The following MAPKAP1 variants were observed in gnomAD, a reference collection of about 807,000 sequenced individuals.
MAPKAP1 encodes the protein MAPK associated protein 1.
In MAPKAP1, 20 loss-of-function variants were observed where a neutral mutation model predicts 65.7. The observed-to-expected ratio is 0.30, with a 90% confidence interval of 0.21 to 0.44. The LOEUF (loss-of-function observed/expected upper bound fraction) is 0.44. Ranked by LOEUF, MAPKAP1 falls within the 20% of genes least tolerant of loss-of-function variation. MAPKAP1 has a pLI of 1.00. For missense variants in MAPKAP1, 423 were observed against 648.0 expected, an observed-to-expected ratio of 0.65 and a Z score of 3.77; for synonymous variants, 222 against 244.3, an observed-to-expected ratio of 0.91 and a Z score of 0.85.
intron 7 of MAPKAP1, among the ~76,000 whole-genome samples, chr9:125,528,837 G>C (rs1330102643): frequency 5.3e-5 from 5 of 94,844 alleles, no homozygotes; most frequent in Non-Finnish European, 7.7e-5. Flanking sequence ...ATAAGAGTGA[G>C]ACTCCGTCTC....
At chr9:125,629,176 G>A (rs116766542) in intron 4 of MAPKAP1, among the ~76,000 whole-genome samples, 1,657 of 152,212 alleles carry the variant, frequency 0.011, 39 homozygotes, top group African/African-American at 0.037. Flanking sequence ...ATGCAACCAC[G>A]ATGGAAAGCA....
chr9:125,678,557 T>C (rs1834725088), intron 1 of MAPKAP1, among the ~76,000 whole-genome samples: 1 of 152,134 alleles, frequency 6.6e-6, no homozygotes, highest in East Asian at 1.9e-4. Context: ...ATTTTTAATA[T>C]ACTAGGTGGG....
At chr9:125,600,903 G>A (rs7871808) in intron 4 of MAPKAP1, among the ~76,000 whole-genome samples, 9,155 of 152,186 alleles carry the variant, frequency 0.06, 826 homozygotes, top group African/African-American at 0.2. Flanking sequence ...TATTATCAGG[G>A]AAAGGTAATC....
At chr9:125,677,212 G>C (rs1422793221) in intron 1 of MAPKAP1, among the ~76,000 whole-genome samples, 1 of 152,152 alleles carries the variant, frequency 6.6e-6, no homozygotes, top group Non-Finnish European at 1.5e-5. Context: ...GCCGAGGCGG[G>C]CGGATCACTT....
intron 8 of MAPKAP1, among the ~76,000 whole-genome samples, chr9:125,492,565 T>C (rs896149154): frequency 1.3e-5 from 2 of 152,248 alleles, no homozygotes; most frequent in Non-Finnish European, 1.5e-5. Flanking sequence ...CTTAGAGTTA[T>C]ATGACTTTAT....
chr9:125,488,234 G>A (rs565266958), intron 8 of MAPKAP1, among the ~76,000 whole-genome samples: 142 of 152,288 alleles, frequency 9.3e-4, no homozygotes, highest in Non-Finnish European at 8.2e-4. Context: ...ATGATCAGAA[G>A]GATAACAGCA....
intron 4 of MAPKAP1, among the ~76,000 whole-genome samples, chr9:125,597,797 GA>G: frequency 6.6e-6 from 1 of 152,286 alleles, no homozygotes; most frequent in South Asian, 2.1e-4. Context: ...GCCTTCAAAA[GA>G]GCCATTCTCT....
chr9:125,607,286 A>C (rs1182406615), intron 4 of MAPKAP1, among the ~76,000 whole-genome samples: 1 of 152,256 alleles, frequency 6.6e-6, no homozygotes, highest in Non-Finnish European at 1.5e-5. Context: ...TCTCAAAAAT[A>C]AAATGAACTA....
At chr9:125,495,992 G>C (rs1854928687) in intron 8 of MAPKAP1, among the ~76,000 whole-genome samples, 1 of 152,222 alleles carries the variant, frequency 6.6e-6, no homozygotes, top group South Asian at 2.1e-4. Context: ...CTTGTATAGT[G>C]CACTGCAGTT....
intron 7 of MAPKAP1, among the ~76,000 whole-genome samples, chr9:125,534,315 A>G (rs1830013905): frequency 6.6e-6 from 1 of 152,162 alleles, no homozygotes; most frequent in Non-Finnish European, 1.5e-5. Context: ...ACACATCTCT[A>G]AAATGTTTGC....
chr9:125,683,698 T>G (rs1303788323), intron 1 of MAPKAP1, among the ~76,000 whole-genome samples: 6 of 152,152 alleles, frequency 3.9e-5, no homozygotes, highest in Non-Finnish European at 5.9e-5. Context: ...AACACAAAAC[T>G]CAGCTGAAGC....
At chr9:125,574,488 G>A (rs1242065999) in intron 5 of MAPKAP1, among the ~76,000 whole-genome samples, 2 of 152,194 alleles carry the variant, frequency 1.3e-5, no homozygotes, top group Admixed American at 6.5e-5. Flanking sequence ...ATATAAAGCA[G>A]AAGCAGCAAC....
chr9:125,656,395 G>C (rs1285738586), intron 4 of MAPKAP1, among the ~76,000 whole-genome samples: 1 of 152,126 alleles, frequency 6.6e-6, no homozygotes, highest in Non-Finnish European at 1.5e-5. Flanking sequence ...CTTACTAAAA[G>C]TGCTGTCAGA....
chr9:125,637,213 G>A lies in MAPKAP1; in HGVS notation c.498+20438C>T, dbSNP rs142364454. ...GAACCCAGGAGGCCAAGGATGCAGT[G>A]AGCTGAGATCACACCACTGCACTCC... is the stretch of plus-strand genomic sequence containing the variant. On this transcript the variant is annotated intron_variant, in intron 4 of 11. Transcript: ENST00000265960. 3.0e-3 allele frequency among the ~76,000 whole-genome samples: 463 copies of A among 152,098 alleles called. 2 individuals are homozygous for A. The highest frequency in any genetic ancestry group is 4.3e-3 in the African/African-American group (179 of 41,448).
At chr9:125,679,546 C>T (rs1424882376) in intron 1 of MAPKAP1, among the ~76,000 whole-genome samples, 1 of 152,022 alleles carries the variant, frequency 6.6e-6, no homozygotes, top group Non-Finnish European at 1.5e-5. Context: ...GTGATTATCT[C>T]GTTGTTGACC....
intron 6 of MAPKAP1, among the ~76,000 whole-genome samples, chr9:125,548,175 T>G (rs1456860316): frequency 6.6e-6 from 1 of 152,230 alleles, no homozygotes; most frequent in Non-Finnish European, 1.5e-5. Context: ...AGATCACTCA[T>G]CTATTAAAAA....
At chr9:125,619,954 G>A (rs1832850253) in intron 4 of MAPKAP1, among the ~76,000 whole-genome samples, 1 of 152,110 alleles carries the variant, frequency 6.6e-6, no homozygotes. Flanking sequence ...CAATACCCCT[G>A]TCAAGATTCT....
At chr9:125,620,350 A>C (rs1832860687) in intron 4 of MAPKAP1, among the ~76,000 whole-genome samples, 1 of 152,218 alleles carries the variant, frequency 6.6e-6, no homozygotes, top group African/African-American at 2.4e-5. Flanking sequence ...AAAAATCCAA[A>C]CATCTGACAA....
At chr9:125,568,587 T>C (rs890638969) in intron 5 of MAPKAP1, among the ~76,000 whole-genome samples, 8 of 152,174 alleles carry the variant, frequency 5.3e-5, no homozygotes, top group African/African-American at 1.9e-4. Context: ...AGCCACCACA[T>C]GTTGAAACTC....
Sources: allele counts gnomAD v4.1 joint callset (sites outside exome capture counted in the v4.1 genomes callset), GRCh38; gene constraint gnomAD v4.1.1; transcripts MANE v1.5; gene names NCBI Gene and HGNC (gene_info 2026-07-23, HGNC 2026-07-21).